SCN1A: variants seen among roughly 807,000 people sequenced by gnomAD.
SCN1A encodes sodium voltage-gated channel alpha subunit 1.
Under a neutral mutation model 193.7 loss-of-function variants are expected in SCN1A, and 13 were observed. The ratio of observed to expected loss-of-function variants is 0.07; its 90% CI spans 0.04 to 0.11. The LOEUF (loss-of-function observed/expected upper bound fraction) is 0.11, where lower values mean the gene tolerates loss of function less well. SCN1A is among the 10% of genes least tolerant of loss of function. SCN1A has a pLI of 1.00. For missense variants in SCN1A, 1,432 were observed against 2,451.1 expected, an observed-to-expected ratio of 0.58 and a Z score of 8.78; for synonymous variants, 781 against 843.6, an observed-to-expected ratio of 0.93 and a Z score of 1.29.
Position 166,138,279 on chromosome 2 carries a change from T to C in SCN1A, c.-50+10768A>G, listed in dbSNP as rs186776739. On this transcript the variant is annotated intron_variant, in intron 1 of 26. Coordinates refer to the SCN1A transcript ENST00000635750. ...TAAGCAATGAGGATCTGAATGTTAA[T>C]CCCCAAGACAATGAAGAAAATGTCT... Among the ~76,000 whole-genome samples, 253 of 152,244 alleles carry C rather than the reference T, an allele frequency of 1.7e-3. 2 individuals carry two copies. The highest frequency in any genetic ancestry group is 6.0e-3 in the African/African-American group (249 of 41,508).
intron 2 of SCN1A, among the ~76,000 whole-genome samples, chr2:166,116,014 GTCTTC>G (rs1437447749): frequency 1.3e-5 from 2 of 152,198 alleles, no homozygotes; most frequent in African/African-American, 4.8e-5. Flanking sequence ...ACAGCTTTAG[GTCTTC>G]ACAGAAATGC....
chr2:166,104,742 A>G (rs1688506474), intron 2 of SCN1A, among the ~76,000 whole-genome samples: 1 of 152,136 alleles, frequency 6.6e-6, no homozygotes, highest in African/African-American at 2.4e-5. Flanking sequence ...ATCTTGTCTC[A>G]AAAAAATAAA....
chr2:166,062,163 C>T (rs962878670), intron 4 of SCN1A, among the ~76,000 whole-genome samples: 2 of 152,054 alleles, frequency 1.3e-5, no homozygotes, highest in African/African-American at 4.8e-5. Context: ...AGGATTTCTT[C>T]TGTGAGAACT....
At chr2:166,088,217 T>C (rs1323096115) in intron 2 of SCN1A, among the ~76,000 whole-genome samples, 2 of 152,180 alleles carry the variant, frequency 1.3e-5, no homozygotes, top group Non-Finnish European at 2.9e-5. Context: ...TTCTCTAATC[T>C]AGATGTACAT....
intron 2 of SCN1A, chr2:166,092,520 T>C (rs1574459217): frequency 6.6e-6 from 1 of 152,174 alleles, no homozygotes; most frequent in Non-Finnish European, 1.5e-5. Context: ...ACAGGTCATA[T>C]CTTTTGGGTT....
At chr2:166,120,886 A>G (rs1176212135) in intron 2 of SCN1A, among the ~76,000 whole-genome samples, 1 of 151,652 alleles carries the variant, frequency 6.6e-6, no homozygotes, top group Admixed American at 6.6e-5. Flanking sequence ...AAAGTGCTGG[A>G]ATTACAGGTT....
At chr2:166,078,751 A>G (rs1184027521) in intron 2 of SCN1A, among the ~76,000 whole-genome samples, 1 of 151,736 alleles carries the variant, frequency 6.6e-6, no homozygotes, top group Non-Finnish European at 1.5e-5. Context: ...TTGAAAAATA[A>G]TCACAAAATT....
intron 1 of SCN1A, among the ~76,000 whole-genome samples, chr2:166,137,366 G>T (rs1219510704): frequency 6.6e-6 from 1 of 152,142 alleles, no homozygotes; most frequent in African/African-American, 2.4e-5. Context: ...TGGTTTGGCT[G>T]TGTCCCCACT....
At chr2:166,023,367 C>T (rs1476629461) in intron 19 of SCN1A, among the ~76,000 whole-genome samples, 1 of 152,238 alleles carries the variant, frequency 6.6e-6, no homozygotes, top group Non-Finnish European at 1.5e-5. Flanking sequence ...AAGAAAGCCA[C>T]CAACAATAAA....
intron 2 of SCN1A, among the ~76,000 whole-genome samples, chr2:166,091,070 C>T (rs190673660): frequency 1.1e-3 from 168 of 152,174 alleles, no homozygotes; most frequent in African/African-American, 4.0e-3. Context: ...TGTGGCATAA[C>T]GATTTCATAG....
rs140038620 is a variant in SCN1A at position 166,000,036 on chromosome 2, C to G, written c.4285-260G>C. 490 of 495,732 alleles carry G rather than the reference C, an allele frequency of 9.9e-4. 1 individual carries two copies. Among genetic ancestry groups the G allele is most frequent in the African/African-American group, 8.6e-3 (443 of 51,546 alleles). The allele number at this position is 495,732 out of a possible 1,614,324, so 30.7% of individuals were successfully genotyped here. A position where few individuals can be genotyped will look rare whatever the true frequency, so the allele number is the denominator to read the frequency against. Reference sequence around the variant, plus strand: ...AAGCACTTTTCAATTCTTTAGAGTTCATGGTGTCATGATATTTAAAGCAGT... The same window carrying G: ...AAGCACTTTTCAATTCTTTAGAGTTGATGGTGTCATGATATTTAAAGCAGT... On this transcript the variant is annotated intron_variant, in intron 24 of 28. Transcript: ENST00000674923.
At chr2:166,066,214 A>G (rs1160067737) in intron 4 of SCN1A, among the ~76,000 whole-genome samples, 1 of 152,188 alleles carries the variant, frequency 6.6e-6, no homozygotes, top group African/African-American at 2.4e-5. Flanking sequence ...AACAACAAGG[A>G]AAAAGAATAA....
chr2:166,117,719 G>A (rs751861202), intron 2 of SCN1A, among the ~76,000 whole-genome samples: 15 of 152,184 alleles, frequency 9.9e-5, no homozygotes, highest in Non-Finnish European at 1.5e-4. Context: ...TTTTTTGGCC[G>A]GGCACGGAGG....
At chr2:166,119,499 A>G (rs1332492701) in intron 2 of SCN1A, among the ~76,000 whole-genome samples, 1 of 152,156 alleles carries the variant, frequency 6.6e-6, no homozygotes, top group East Asian at 1.9e-4. Flanking sequence ...CAAATGTTCA[A>G]TTTGAGGTCA....
intron 2 of SCN1A, among the ~76,000 whole-genome samples, chr2:166,085,516 C>T (rs1024162935): frequency 6.6e-5 from 10 of 152,118 alleles, no homozygotes; most frequent in Non-Finnish European, 2.9e-5. Context: ...CACCTCAACA[C>T]AAAGCAAAAC....
At chr2:166,103,417 C>T (rs1169518720) in intron 2 of SCN1A, among the ~76,000 whole-genome samples, 1 of 151,404 alleles carries the variant, frequency 6.6e-6, no homozygotes, top group Non-Finnish European at 1.5e-5. Flanking sequence ...CACCGCTGCA[C>T]TCCAGCCTGG....
chr2:166,046,944 T>C lies in SCN1A; in HGVS notation c.1203A>G (p.Ile401Met). Residue 401 changes from isoleucine to methionine, a missense_variant, in exon 12 of 29, where the codon ATA becomes ATG. Physicochemically the swap from Ile to Met is conservative, Grantham distance 10. Transcript: ENST00000674923. ...CCAAGAAAATGACCAATACAAAAAA[T>C]ATCATGTACGTTTTCCCAGCAGCAC... The part of the protein sequence containing the change: ...TLRAAGKTYM[I>M]FFVLVIFLGS... 1 of 1,613,860 alleles carries C rather than the reference T, an allele frequency of 6.2e-7. No homozygotes were observed. The highest frequency in any genetic ancestry group is 8.5e-7 in the Non-Finnish European group (1 of 1,179,798).
intron 24 of SCN1A, among the ~76,000 whole-genome samples, chr2:166,001,620 T>C (rs1690862709): frequency 6.6e-6 from 1 of 151,696 alleles, no homozygotes; most frequent in Non-Finnish European, 1.5e-5. Context: ...TCTGGACTCT[T>C]ATTTTATTCC....
At chr2:166,115,550 TTAGAA>T (rs931643900) in intron 2 of SCN1A, among the ~76,000 whole-genome samples, 2 of 152,074 alleles carry the variant, frequency 1.3e-5, no homozygotes, top group Non-Finnish European at 2.9e-5. Context: ...ATATATGAGT[TTAGAA>T]TAGGAGTTTG....
Sources: allele counts gnomAD v4.1 joint callset (sites outside exome capture counted in the v4.1 genomes callset), GRCh38; gene constraint gnomAD v4.1.1; transcripts MANE v1.5; gene names NCBI Gene and HGNC (gene_info 2026-07-23, HGNC 2026-07-21).